Variants in PHF10 observed in about 807,000 individuals in gnomAD.
PHF10 encodes the protein BRG1-associated factor 45a.
In PHF10, 51 loss-of-function variants were observed where a neutral mutation model predicts 68.5. The ratio of observed to expected loss-of-function variants is 0.74; its 90% CI spans 0.59 to 0.94. The LOEUF is 0.94. PHF10 is among the 40% of genes least tolerant of loss of function. The probability of loss-of-function intolerance (pLI) is 0.00; values close to 1 mark genes in which losing one functional copy is unlikely to be tolerated. For missense variants in PHF10, 460 were observed against 602.6 expected, an observed-to-expected ratio of 0.76 and a Z score of 2.48; for synonymous variants, 204 against 203.5, an observed-to-expected ratio of 1.00 and a Z score of -0.02.
chr6:169,715,318 C>T (rs950521824), intron 6 of PHF10, among the ~76,000 whole-genome samples: 4 of 152,098 alleles, frequency 2.6e-5, no homozygotes, highest in Non-Finnish European at 4.4e-5. Context: ...ATTAAGCACA[C>T]CATTAAAAAT....
intron 2 of PHF10, 122 bp from the exon 3 acceptor site, chr6:169,719,040 T>C: frequency 3.2e-6 from 2 of 626,448 alleles, no homozygotes; most frequent in Non-Finnish European, 5.5e-6. Flanking sequence ...ATGACTTGAC[T>C]TCCTGTGTAT....
intron 9 of PHF10, chr6:169,707,103 AAAC>A (rs1788818897): frequency 6.6e-6 from 1 of 152,230 alleles, no homozygotes; most frequent in Non-Finnish European, 1.5e-5. Flanking sequence ...CAAGAACTCT[AAAC>A]AATCACAAAT....
chr6:169,715,597 A>C (rs1789027718), intron 6 of PHF10, 111 bp downstream of exon 6: 4 of 948,416 alleles, frequency 4.2e-6, no homozygotes, highest in Non-Finnish European at 6.5e-6. Context: ...CAAACAAAAA[A>C]AACACACACA....
At chr6:169,720,579 T>C (rs545196221) in intron 2 of PHF10, among the ~76,000 whole-genome samples, 1 of 152,278 alleles carries the variant, frequency 6.6e-6, no homozygotes, top group African/African-American at 2.4e-5. Context: ...TGGTTCCACT[T>C]ATATGAAGTA....
In PHF10 at chr6:169,715,989, C is replaced by T. The variant is rs747615034; in HGVS notation, c.509G>A (p.Arg170His). 1.9e-6 allele frequency: 3 copies of T among 1,608,188 alleles called. No individual in the cohort carries two copies. Among genetic ancestry groups the T allele is most frequent in the East Asian group, 2.2e-5 (1 of 44,834 alleles). ...EYSVILQEKE[R>H]QRITDHYKEY... ...TTTATAATGGTCTGTAATTCGTTGA[C>T]GTTCTTTTTCTTGTAGAATAACAGA... The change falls in exon 5 of 12, where the codon CGT becomes CAT. Residue 170 changes from arginine to histidine, a missense_variant. Transcript: ENST00000339209.
chr6:169,716,854 GA>G (rs1214328812), intron 4 of PHF10, among the ~76,000 whole-genome samples: 2 of 152,018 alleles, frequency 1.3e-5, no homozygotes, highest in African/African-American at 4.8e-5. Flanking sequence ...AAGTAGCTGG[GA>G]CCACACGCAC....
intron 5 of PHF10, 38 bp from the exon 6 acceptor site, chr6:169,715,895 T>G: frequency 6.3e-7 from 1 of 1,597,240 alleles, no homozygotes; most frequent in Non-Finnish European, 8.5e-7. Flanking sequence ...CACATATAAC[T>G]TTCTAAAATG....
At chr6:169,716,227 A>G (rs1789044395) in intron 4 of PHF10, 139 bp from the exon 5 acceptor site, 6 of 475,524 alleles carry the variant, frequency 1.3e-5, no homozygotes, top group Non-Finnish European at 2.2e-5. Flanking sequence ...ATCTTAGTAC[A>G]TTTGAAAATA....
intron 8 of PHF10, among the ~76,000 whole-genome samples, chr6:169,710,881 A>G (rs2128329595): frequency 6.6e-6 from 1 of 152,086 alleles, no homozygotes; most frequent in Non-Finnish European, 1.5e-5. Context: ...TTGTGTTTTC[A>G]CAATGTTAAA....
chr6:169,706,399 G>C (rs944961057), intron 9 of PHF10, among the ~76,000 whole-genome samples: 7 of 152,044 alleles, frequency 4.6e-5, no homozygotes, highest in African/African-American at 1.7e-4. Context: ...GGAAAAATAA[G>C]TTTTCAGACA....
At chr6:169,717,800 T>A (rs1789085387) in intron 4 of PHF10, 23 bp downstream of exon 4, 1 of 1,042,444 alleles carries the variant, frequency 9.6e-7, no homozygotes, top group African/African-American at 1.6e-5. Flanking sequence ...CTTGAAAAAT[T>A]CACATTAAAA....
intron 7 of PHF10, among the ~76,000 whole-genome samples, chr6:169,713,634 A>T (rs1293527443): frequency 6.6e-6 from 1 of 152,086 alleles, no homozygotes; most frequent in African/African-American, 2.4e-5. Flanking sequence ...AAAAACTTTT[A>T]AAAAATTGCT....
Position 169,704,371 on chromosome 6 carries a change from C to T in PHF10, c.1412-283G>A, listed in dbSNP as rs186660616. On this transcript the variant is annotated intron_variant, in intron 11 of 11. Transcript: ENST00000339209. ...AGTACAATCTTTCCTGAAATTCAAACACTATCATACTTCAAAAGGTCAAAA... is the reference window on the plus strand; with the variant it reads ...AGTACAATCTTTCCTGAAATTCAAATACTATCATACTTCAAAAGGTCAAAA... 627 of 374,232 alleles carry T rather than the reference C, an allele frequency of 1.7e-3. 5 individuals are homozygous for T. The highest frequency in any genetic ancestry group is 2.2e-3 in the Non-Finnish European group (447 of 203,172). The allele number at this position is 374,232 out of a possible 1,614,324, so 23.2% of individuals were successfully genotyped here. A position where few individuals can be genotyped will look rare whatever the true frequency, so the allele number is the denominator to read the frequency against.
At chr6:169,723,572 A>C (rs1353860082) in intron 1 of PHF10, among the ~76,000 whole-genome samples, 2 of 152,016 alleles carry the variant, frequency 1.3e-5, no homozygotes, top group East Asian at 3.9e-4. Flanking sequence ...GCCTAGGAGG[A>C]GGCGTTTTGG....
chr6:169,704,164 T>C, intron 11 of PHF10, 76 bp from the exon 12 acceptor site: 1 of 1,069,220 alleles, frequency 9.4e-7, no homozygotes, highest in Non-Finnish European at 1.3e-6. Flanking sequence ...TAAACTCTTC[T>C]GCCTTAGCTA....
At position 169,723,888 on chromosome 6, in the gene PHF10, G is replaced by C. The variant is rs1018219018; in HGVS notation, c.44C>G (p.Pro15Arg). The part of the protein sequence containing the change: ...AGPGAALSPR[P>R]CDSDPATPGA... Reference sequence around the variant, plus strand: ...GGGGGTGGCTGGGTCGCTGTCGCACGGCCGCGGGGACAGCGCAGCCCCGGG... The same window carrying C: ...GGGGGTGGCTGGGTCGCTGTCGCACCGCCGCGGGGACAGCGCAGCCCCGGG... Residue 15 changes from proline to arginine, a missense_variant, in exon 1 of 12, where the codon CCG becomes CGG. Pro to Arg is a moderately radical substitution (Grantham distance 103). Around this residue, in one of 3 missense-constraint regions of PHF10, gnomAD observed 93 missense variants for 82.4 expected, o/e 1.13. Coordinates refer to ENST00000339209, the MANE Select transcript of PHF10 (RefSeq NM_018288.4). 1 of 1,090,622 alleles carries C rather than the reference G, an allele frequency of 9.2e-7. No homozygotes were observed. The highest frequency in any genetic ancestry group is 5.2e-5 in the Admixed American group (1 of 19,294). 67.6% of individuals were successfully genotyped at this position (1,090,622 alleles called of 1,614,324 possible).
chr6:169,710,073 G>T, intron 9 of PHF10, 163 bp downstream of exon 9: 1 of 503,616 alleles, frequency 2.0e-6, no homozygotes. Flanking sequence ...AAGCCACCAA[G>T]GAAATAAAGC....
chr6:169,716,541 C>A (rs543604999), intron 4 of PHF10, among the ~76,000 whole-genome samples: 1 of 152,016 alleles, frequency 6.6e-6, no homozygotes, highest in South Asian at 2.1e-4. Flanking sequence ...CACACACACA[C>A]CATGGAGACA....
In PHF10 at chr6:169,705,634, A is replaced by G; in HGVS notation, c.1204T>C (p.Ser402Pro). ...TACTTACCACTATTCTCACATTGGG[A>G]GCAGTGTATAAGTGATTCAGCCTTT... ...KGKAESLIHC[S>P]QCENSGHPSC... The change falls in exon 10 of 12, where the codon TCC (serine) becomes CCC (proline). Residue 402 changes from serine to proline, a missense_variant. Ser to Pro is a moderately conservative substitution (Grantham distance 74). Transcript: ENST00000339209. 4 of 1,482,030 alleles carry G rather than the reference A, an allele frequency of 2.7e-6. No individual in the cohort carries two copies. Among genetic ancestry groups the G allele is most frequent in the Non-Finnish European group, 3.8e-6 (4 of 1,059,942 alleles). 91.8% of individuals were successfully genotyped at this position (1,482,030 alleles called of 1,614,324 possible).
Sources: gnomAD v4.1 joint callset for allele counts (sites outside exome capture counted in the v4.1 genomes callset) on GRCh38, gnomAD v4.1.1 for gene constraint, gnomAD v4.1.1 regional missense constraint, MANE v1.5 for transcripts, NCBI Gene and HGNC (gene_info 2026-07-23, HGNC 2026-07-21) for gene names.